THOC1: variants seen among roughly 807,000 people sequenced by gnomAD.
THOC1 encodes the protein THO complex subunit 1, also known as THO complex 1.
In THOC1, 29 loss-of-function variants were observed where a neutral mutation model predicts 97.3. That is an observed-to-expected ratio of 0.30 (90% CI 0.22 to 0.41). THOC1 has a LOEUF of 0.41. THOC1 is among the 10% of genes least tolerant of loss of function. THOC1 has a pLI of 1.00. For missense variants in THOC1, 529 were observed against 761.9 expected, an observed-to-expected ratio of 0.69 and a Z score of 3.60; for synonymous variants, 255 against 257.0, an observed-to-expected ratio of 0.99 and a Z score of 0.07.
rs1247635348 is a variant in THOC1, at chr18:242,125, T to A, written c.918+4199A>T. Among the ~76,000 whole-genome samples the A allele has an allele frequency of 6.6e-6, 1 of 152,212 alleles. No homozygotes were observed. The highest frequency in any genetic ancestry group is 1.9e-4 in the East Asian group (1 of 5,186). ...AATTTACAAAGACACCCATTTTATT[T>A]GTAGAACCTCTACCTACCTGTAGTT... On this transcript the variant is annotated intron_variant, in intron 11 of 20. Coordinates refer to ENST00000261600, the MANE Select transcript of THOC1 (RefSeq NM_005131.3). This position sits in a 1 kb window ranked among gnomAD's most constrained non-coding sequence, Gnocchi z 4.5.
intron 15 of THOC1, among the ~76,000 whole-genome samples, 154 bp downstream of exon 15, chr18:224,770 G>A (rs946419124): frequency 2.0e-5 from 3 of 151,960 alleles, no homozygotes; most frequent in African/African-American, 7.3e-5. Context: ...AAATCAAAGT[G>A]GTTGTACTCT....
intron 5 of THOC1, 171 bp downstream of exon 5, chr18:260,015 C>T (rs936655688): frequency 5.7e-6 from 3 of 529,624 alleles, no homozygotes; most frequent in Non-Finnish European, 9.7e-6. Context: ...TTTTTCTCCA[C>T]ACATGGTTTT....
At chr18:238,394 T>C (rs1031355282) in intron 11 of THOC1, among the ~76,000 whole-genome samples, 8 of 152,322 alleles carry the variant, frequency 5.3e-5, no homozygotes, top group Middle Eastern at 3.4e-3. Context: ...TCTGTACTAA[T>C]AATGTGTTGC....
chr18:262,197 G>A (rs1912626363), intron 4 of THOC1, among the ~76,000 whole-genome samples: 2 of 152,164 alleles, frequency 1.3e-5, no homozygotes, highest in Non-Finnish European at 2.9e-5. Flanking sequence ...CTTCATCTAT[G>A]CTTTTGAAGC....
In THOC1 at chr18:242,412, A is replaced by AC. The variant is rs1911937345; in HGVS notation, c.918+3911_918+3912insG. 6.6e-6 allele frequency among the ~76,000 whole-genome samples: 1 copy of AC among 151,568 alleles called. No individual in the cohort carries two copies. Among genetic ancestry groups the AC allele is most frequent in the Admixed American group, 6.6e-5 (1 of 15,182 alleles). ...AGAATCGCTTGAACCCAGGAGGTGGAAGTTACAGTGGGCCAAAAAAAAAGT... is the reference window on the plus strand; with the variant it reads ...AGAATCGCTTGAACCCAGGAGGTGGACAGTTACAGTGGGCCAAAAAAAAAGT... On this transcript the variant is annotated intron_variant, in intron 11 of 20. Coordinates refer to ENST00000261600, the MANE Select transcript of THOC1 (RefSeq NM_005131.3). The surrounding 1 kb of genome is among the most constrained non-coding windows in gnomAD (Gnocchi z 4.5).
At chr18:224,278 CTTAAAA>C (rs1911198062) in intron 15 of THOC1, 99 bp from the exon 16 acceptor site, 1 of 998,314 alleles carries the variant, frequency 1.0e-6, no homozygotes. Context: ...TTGTTTTCCT[CTTAAAA>C]AAGATGAAAA....
In THOC1 at chr18:246,380, C is replaced by T. The variant is rs377620376; in HGVS notation, c.862G>A (p.Glu288Lys). 12 of 1,604,118 alleles carry T rather than the reference C, an allele frequency of 7.5e-6. No homozygotes were observed. The highest frequency in any genetic ancestry group is 8.5e-6 in the Non-Finnish European group (10 of 1,172,436). Residue 288 changes from glutamate (E) to lysine (K), a missense_variant, in exon 11 of 21, where the codon GAA becomes AAA. Around this residue, in one of 8 missense-constraint regions of THOC1, gnomAD observed 92 missense variants for 127.0 expected, o/e 0.72. Coordinates refer to ENST00000261600, the MANE Select transcript of THOC1 (RefSeq NM_005131.3). Reference sequence around the variant, plus strand: ...ACATGTTCTCCTCCTGTTTTCAATTCTTCCATCTTTTTTCTTGAGGCCTGA... The same window carrying T: ...ACATGTTCTCCTCCTGTTTTCAATTTTTCCATCTTTTTTCTTGAGGCCTGA... ...DTQASRKKME[E>K]LKTGGEHVYF... is the part of the protein sequence containing the mutation.
chr18:223,661 C>T (rs1438102313), intron 16 of THOC1, among the ~76,000 whole-genome samples, 156 bp from the exon 17 acceptor site: 1 of 151,954 alleles, frequency 6.6e-6, no homozygotes, highest in African/African-American at 2.4e-5. Flanking sequence ...ATTTAAAATA[C>T]CTAAAATTAT....
chr18:250,398 C>T (rs1353551287), intron 9 of THOC1, among the ~76,000 whole-genome samples: 1 of 152,128 alleles, frequency 6.6e-6, no homozygotes, highest in Non-Finnish European at 1.5e-5. Context: ...TTTCTGTTTA[C>T]CCACACAAAG....
chr18:256,753 C>T (rs987562842), intron 7 of THOC1, among the ~76,000 whole-genome samples: 7 of 152,134 alleles, frequency 4.6e-5, no homozygotes, highest in Non-Finnish European at 1.0e-4. Flanking sequence ...TTTGAGAGGA[C>T]TGACCCTAAC....
rs1235590018 is a variant in THOC1 at position 224,997 on chromosome 18, G to A, written c.1138-3C>T. The A allele has an allele frequency of 7.0e-6, 11 of 1,569,976 alleles. No individual in the cohort carries two copies. The highest frequency in any genetic ancestry group is 4.7e-5 in the South Asian group (4 of 85,834). On this transcript the variant is annotated splice_region_variant and splice_polypyrimidine_tract_variant and intron_variant, in intron 14 of 20. Transcript: ENST00000261600. ...TTTTCTTCAGTGTTTAATATATGCT[G>A]GGAAAAACAAAGCGATTACATTTTG...
rs1910900143 is a variant in THOC1 at position 216,624 on chromosome 18, G to T, written c.1464C>A (p.Asn488Lys). 1 of 1,611,878 alleles carries T rather than the reference G, an allele frequency of 6.2e-7. No individual in the cohort carries two copies. Among genetic ancestry groups the T allele is most frequent in the South Asian group, 1.1e-5 (1 of 90,462 alleles). The change falls in exon 19 of 21, where the codon AAC (asparagine) becomes AAA (lysine). Residue 488 changes from asparagine to lysine, a missense_variant. Around this residue, in one of 8 missense-constraint regions of THOC1, gnomAD observed 123 missense variants for 159.0 expected, o/e 0.77. Coordinates refer to ENST00000261600, the MANE Select transcript of THOC1 (RefSeq NM_005131.3). ...GGGCTCTCCAACCATAATTTGAATT[G>T]TTCACAGCCCTATAAAAAGAGGTGT... Reference protein sequence around the residue: ...NMVENEYKAVNNSNYGWRALR... With the variant: ...NMVENEYKAVKNSNYGWRALR...
At chr18:236,166 C>A (rs1410560569) in intron 11 of THOC1, among the ~76,000 whole-genome samples, 2 of 152,042 alleles carry the variant, frequency 1.3e-5, no homozygotes, top group African/African-American at 4.8e-5. Flanking sequence ...ATATTTCAAT[C>A]ATGAGTTTTG....
chr18:261,861 G>A (rs1912616744), intron 4 of THOC1, among the ~76,000 whole-genome samples: 1 of 152,162 alleles, frequency 6.6e-6, no homozygotes, highest in Non-Finnish European at 1.5e-5. Flanking sequence ...TCTAAAAATA[G>A]ATTCACTGGT....
At chr18:251,827 CACA>C (rs1326857071) in intron 9 of THOC1, among the ~76,000 whole-genome samples, 1 of 152,196 alleles carries the variant, frequency 6.6e-6, no homozygotes, top group Non-Finnish European at 1.5e-5. Flanking sequence ...TCTGGCCACC[CACA>C]ACCTTAAATT....
At chr18:220,035 G>C (rs1218402478) in intron 17 of THOC1, among the ~76,000 whole-genome samples, 1 of 152,156 alleles carries the variant, frequency 6.6e-6, no homozygotes, top group Non-Finnish European at 1.5e-5. Flanking sequence ...CTAGGAAAAT[G>C]GGCTCTTTTA....
chr18:227,681 C>T (rs1911343502), intron 11 of THOC1, among the ~76,000 whole-genome samples: 1 of 152,160 alleles, frequency 6.6e-6, no homozygotes, highest in Admixed American at 6.5e-5. Context: ...TGATTATGTG[C>T]ATGGAACACT....
intron 10 of THOC1, among the ~76,000 whole-genome samples, chr18:247,422 A>T (rs1912130997): frequency 6.6e-6 from 1 of 152,234 alleles, no homozygotes; most frequent in South Asian, 2.1e-4. Context: ...GTGCCATTAT[A>T]GTGCAAAAAC....
intron 6 of THOC1, 104 bp downstream of exon 6, chr18:259,578 C>G: frequency 2.3e-6 from 2 of 875,912 alleles, no homozygotes; most frequent in Admixed American, 5.5e-5. Context: ...ATGCAGATAC[C>G]TAATCTATCT....
Sources: gnomAD v4.1 joint callset for allele counts (sites outside exome capture counted in the v4.1 genomes callset) on GRCh38, gnomAD v4.1.1 for gene constraint, gnomAD v4.1.1 regional missense constraint, Gnocchi (gnomAD v3.1) non-coding constraint, MANE v1.5 for transcripts, NCBI Gene and HGNC (gene_info 2026-07-23, HGNC 2026-07-21) for gene names.